Variants in GUCY1B1 observed in about 807,000 individuals in gnomAD.
The protein encoded by GUCY1B1 is guanylate cyclase soluble subunit beta-1.
GUCY1B1 carries 43 observed loss-of-function variants against 71.0 expected under a neutral mutation model. That is an observed-to-expected ratio of 0.61 (90% CI 0.47 to 0.78). GUCY1B1 has a LOEUF of 0.78. GUCY1B1 is among the 30% of genes least tolerant of loss of function. The probability of loss-of-function intolerance (pLI) is 0.00; values close to 1 mark genes in which losing one functional copy is unlikely to be tolerated. For synonymous variants in GUCY1B1, 266 were observed against 259.7 expected, an observed-to-expected ratio of 1.02 and a Z score of -0.23; for missense variants, 535 against 754.1, an observed-to-expected ratio of 0.71 and a Z score of 3.40.
At chr4:155,797,790 GATTA>G (rs1179856211) in intron 8 of GUCY1B1, among the ~76,000 whole-genome samples, 11 of 139,550 alleles carry the variant, frequency 7.9e-5, no homozygotes, top group Admixed American at 5.1e-4. Context: ...GTACATTTAA[GATTA>G]ATTAAATATT....
chr4:155,793,028 G>A (rs1003555867), intron 5 of GUCY1B1, among the ~76,000 whole-genome samples: 1 of 152,064 alleles, frequency 6.6e-6, no homozygotes, highest in African/African-American at 2.4e-5. Context: ...CTCATCAGTG[G>A]TATTTGAGAT....
At chr4:155,790,111 G>A (rs1161766271) in intron 5 of GUCY1B1, among the ~76,000 whole-genome samples, 200 bp downstream of exon 5, 1 of 152,116 alleles carries the variant, frequency 6.6e-6, no homozygotes, top group African/African-American at 2.4e-5. Flanking sequence ...CCTTCTGGCA[G>A]CAGATTTTTC....
chr4:155,787,490 C>CA (rs983971014), intron 4 of GUCY1B1, among the ~76,000 whole-genome samples: 1 of 152,148 alleles, frequency 6.6e-6, no homozygotes, highest in Non-Finnish European at 1.5e-5. Flanking sequence ...TAGCTCAAAT[C>CA]ACATCTTCAG....
chr4:155,793,542 T>C (rs531915236), intron 5 of GUCY1B1, among the ~76,000 whole-genome samples: 2 of 152,340 alleles, frequency 1.3e-5, no homozygotes, highest in South Asian at 2.1e-4. Context: ...TTGTTCACTA[T>C]ACAAGTGTGC....
At chr4:155,774,216 CT>C (rs1389640825) in intron 2 of GUCY1B1, among the ~76,000 whole-genome samples, 2 of 152,180 alleles carry the variant, frequency 1.3e-5, no homozygotes, top group African/African-American at 4.8e-5. Flanking sequence ...CATGTTACCT[CT>C]CCTACCCGTT....
At chr4:155,767,796 T>A (rs1237050611) in intron 2 of GUCY1B1, among the ~76,000 whole-genome samples, 1 of 152,154 alleles carries the variant, frequency 6.6e-6, no homozygotes, top group East Asian at 1.9e-4. Flanking sequence ...TTAGAGGCTA[T>A]TCATGCTCCA....
At position 155,796,494 on chromosome 4, in the gene GUCY1B1, T is replaced by C. The variant is rs768974193; in HGVS notation, c.961T>C (p.Phe321Leu). The C allele has an allele frequency of 6.2e-7, 1 of 1,611,040 alleles. No homozygotes were observed. Among genetic ancestry groups the C allele is most frequent in the African/African-American group, 1.3e-5 (1 of 74,862 alleles). Residue 321 changes from phenylalanine (F) to leucine (L), a missense_variant, in exon 8 of 14, where the codon TTT (phenylalanine) becomes CTT (leucine). Phe to Leu is a conservative substitution (Grantham distance 22). Coordinates refer to ENST00000264424, the MANE Select transcript of GUCY1B1 (RefSeq NM_000857.5). ...IYLPEADSIL[F>L]LCSPSVMNLD... is the part of the protein sequence containing the mutation. Reference sequence around the variant, plus strand: ...CTTACCTGAAGCAGATAGCATACTTTTTCTATGTTCACCAAGGTAATCATT... The same window carrying C: ...CTTACCTGAAGCAGATAGCATACTTCTTCTATGTTCACCAAGGTAATCATT...
intron 2 of GUCY1B1, among the ~76,000 whole-genome samples, chr4:155,773,532 A>G (rs987190470): frequency 6.6e-6 from 1 of 152,222 alleles, no homozygotes; most frequent in African/African-American, 2.4e-5. Context: ...CTCAAACTTA[A>G]TATGTTTAAA....
chr4:155,804,850 C>T, intron 12 of GUCY1B1, 103 bp downstream of exon 12: 2 of 988,022 alleles, frequency 2.0e-6, no homozygotes, highest in Non-Finnish European at 1.5e-6. Flanking sequence ...GAGTTATCAC[C>T]TTCACTCTTC....
intron 8 of GUCY1B1, 145 bp from the exon 9 acceptor site, chr4:155,799,732 G>A (rs367909515): frequency 7.9e-5 from 39 of 491,164 alleles, no homozygotes; most frequent in South Asian, 3.7e-4. Flanking sequence ...CACAATCTTC[G>A]TTCAATTCTC....
In GUCY1B1 at chr4:155,807,455, A is replaced by G. The variant is rs1740392807; in HGVS notation, c.*1046A>G. On this transcript the variant is annotated 3_prime_UTR_variant, in exon 14 of 14. Transcript: ENST00000264424. ...TGATAACTTATTAATATCTATCTTT[A>G]TAAAATAGAGTGCAACTACTTTTGT... 1.3e-5 allele frequency: 2 copies of G among 152,176 alleles called. No individual in the cohort carries two copies. Among genetic ancestry groups the G allele is most frequent in the African/African-American group, 4.8e-5 (2 of 41,448 alleles). 9.4% of individuals were successfully genotyped at this position (152,176 alleles called of 1,614,324 possible).
At chr4:155,764,036 AATC>A (rs1560999033) in intron 2 of GUCY1B1, among the ~76,000 whole-genome samples, 9 of 152,202 alleles carry the variant, frequency 5.9e-5, no homozygotes, top group East Asian at 3.9e-4. Flanking sequence ...TAGGATAAGT[AATC>A]ATCATCATCA....
chr4:155,802,285 C>A lies in GUCY1B1; in HGVS notation c.1176-57C>A. The A allele has an allele frequency of 6.2e-7, 1 of 1,605,598 alleles. No homozygotes were observed. The highest frequency in any genetic ancestry group is 1.3e-5 in the African/African-American group (1 of 74,952). ...TGCTGTGTGAAAAGGACAGCAGAAGCACTAAAGGCTTTCCCAGTATTTCTT... is the reference window on the plus strand; with the variant it reads ...TGCTGTGTGAAAAGGACAGCAGAAGAACTAAAGGCTTTCCCAGTATTTCTT... On this transcript the variant is annotated intron_variant, in intron 9 of 13. Transcript: ENST00000264424. This position sits in a 1 kb window ranked among gnomAD's most constrained non-coding sequence, Gnocchi z 4.3.
intron 4 of GUCY1B1, chr4:155,785,366 T>A: frequency 1.1e-6 from 1 of 944,034 alleles, no homozygotes. Context: ...TTTTTTACTT[T>A]CATACATATG....
chr4:155,795,062 GA>G (rs1465321396), intron 6 of GUCY1B1, among the ~76,000 whole-genome samples: 1 of 151,854 alleles, frequency 6.6e-6, no homozygotes, highest in Admixed American at 6.6e-5. Flanking sequence ...TTCTCCTTCT[GA>G]AAATGCATTG....
At chr4:155,765,489 A>G (rs1450307291) in intron 2 of GUCY1B1, among the ~76,000 whole-genome samples, 2 of 152,200 alleles carry the variant, frequency 1.3e-5, no homozygotes, top group African/African-American at 4.8e-5. Context: ...AAAATGAAGC[A>G]TCTTTTTCTG....
intron 2 of GUCY1B1, among the ~76,000 whole-genome samples, chr4:155,763,287 C>T (rs971740664): frequency 6.6e-6 from 1 of 152,134 alleles, no homozygotes; most frequent in Non-Finnish European, 1.5e-5. Flanking sequence ...ATCAAGTGAT[C>T]CTCTTGACTC....
At chr4:155,805,617 G>C (rs1188484005) in intron 13 of GUCY1B1, among the ~76,000 whole-genome samples, 1 of 152,234 alleles carries the variant, frequency 6.6e-6, no homozygotes, top group African/African-American at 2.4e-5. Flanking sequence ...AAGGGCTGTG[G>C]TTCATGGGAG....
chr4:155,800,936 A>G (rs1739911502), intron 9 of GUCY1B1, among the ~76,000 whole-genome samples: 1 of 152,188 alleles, frequency 6.6e-6, no homozygotes, highest in African/African-American at 2.4e-5. Flanking sequence ...TTTGTATTAG[A>G]AAATCATCTA....
Sources: gnomAD v4.1 joint callset for allele counts (sites outside exome capture counted in the v4.1 genomes callset) on GRCh38, gnomAD v4.1.1 for gene constraint, Gnocchi (gnomAD v3.1) non-coding constraint, MANE v1.5 for transcripts, NCBI Gene and HGNC (gene_info 2026-07-23, HGNC 2026-07-21) for gene names.